The following SPATA18 variants were observed in gnomAD, a reference collection of about 807,000 sequenced individuals.
SPATA18 encodes the protein mitochondria-eating protein.
SPATA18 carries 54 observed loss-of-function variants against 68.1 expected under a neutral mutation model. The ratio of observed to expected loss-of-function variants is 0.79; its 90% confidence interval spans 0.64 to 0.99. SPATA18 has a LOEUF of 0.99. Ranked by LOEUF, SPATA18 falls within the 50% of genes least tolerant of loss-of-function variation. The pLI is 0.00. For missense variants in SPATA18, 724 were observed against 681.1 expected (o/e 1.06, Z -0.70); for synonymous variants, 242 against 244.8 (o/e 0.99, Z 0.11).
intron 5 of SPATA18, 80 bp from the exon 6 acceptor site, chr4:52,071,837 G>T: frequency 7.0e-7 from 1 of 1,431,156 alleles, no homozygotes; most frequent in Admixed American, 2.2e-5. Flanking sequence ...GCCAATTGCT[G>T]CTTATTACCT....
intron 6 of SPATA18, among the ~76,000 whole-genome samples, chr4:52,075,874 G>A (rs1057407073): frequency 6.6e-6 from 1 of 152,100 alleles, no homozygotes; most frequent in Non-Finnish European, 1.5e-5. Context: ...CTTTCTTCAT[G>A]GGAACAACAA....
chr4:52,087,415 C>A (rs1414621579), intron 11 of SPATA18, among the ~76,000 whole-genome samples: 1 of 152,116 alleles, frequency 6.6e-6, no homozygotes, highest in African/African-American at 2.4e-5. Context: ...ACATTTAAGT[C>A]TTTGGTCCAT....
At chr4:52,066,129 G>A (rs1037908500) in intron 4 of SPATA18, among the ~76,000 whole-genome samples, 6 of 151,976 alleles carry the variant, frequency 3.9e-5, no homozygotes, top group South Asian at 2.1e-4. Flanking sequence ...ATGTTTTATT[G>A]TATCAAGTCA....
At chr4:52,065,222 C>CTGTT (rs1250295223) in intron 4 of SPATA18, among the ~76,000 whole-genome samples, 1 of 151,994 alleles carries the variant, frequency 6.6e-6, no homozygotes, top group Non-Finnish European at 1.5e-5. Flanking sequence ...TGTGGGTTGT[C>CTGTT]TGTTTACTCC....
chr4:52,074,295 AGC>A (rs1353412843), intron 6 of SPATA18, among the ~76,000 whole-genome samples: 1 of 152,194 alleles, frequency 6.6e-6, no homozygotes, highest in African/African-American at 2.4e-5. Context: ...AGTGCCACAA[AGC>A]CATAAGAGCC....
intron 11 of SPATA18, among the ~76,000 whole-genome samples, chr4:52,091,794 G>A (rs913956030): frequency 4.6e-5 from 7 of 152,176 alleles, no homozygotes; most frequent in East Asian, 1.9e-4. Flanking sequence ...AGCAGAGCTC[G>A]AATGCTGGGC....
intron 6 of SPATA18, among the ~76,000 whole-genome samples, chr4:52,073,431 C>T (rs1240814807): frequency 6.6e-6 from 1 of 152,154 alleles, no homozygotes; most frequent in Non-Finnish European, 1.5e-5. Context: ...ATACCCAGTA[C>T]TTCCACATGT....
chr4:52,063,809 C>G (rs1252929550), intron 4 of SPATA18, among the ~76,000 whole-genome samples: 1 of 152,076 alleles, frequency 6.6e-6, no homozygotes, highest in Non-Finnish European at 1.5e-5. Flanking sequence ...ACTAGTGTCT[C>G]GTGCTGATGG....
At chr4:52,079,649 C>T in intron 8 of SPATA18, 95 bp from the exon 9 acceptor site, 1 of 1,415,340 alleles carries the variant, frequency 7.1e-7, no homozygotes, top group South Asian at 1.3e-5. Context: ...CTCACATTCT[C>T]TTTTCCCACC....
intron 4 of SPATA18, among the ~76,000 whole-genome samples, chr4:52,065,051 G>A (rs1160660865): frequency 6.6e-6 from 1 of 151,954 alleles, no homozygotes; most frequent in African/African-American, 2.4e-5. Flanking sequence ...TTTCATATGT[G>A]TATTGGCTGT....
intron 7 of SPATA18, among the ~76,000 whole-genome samples, chr4:52,077,503 A>G (rs1341765553): frequency 6.6e-6 from 1 of 151,510 alleles, no homozygotes; most frequent in Non-Finnish European, 1.5e-5. Flanking sequence ...TCATATATAT[A>G]TGAATAGTTA....
chr4:52,066,980 A>G (rs1383347900), intron 4 of SPATA18, among the ~76,000 whole-genome samples: 2 of 152,172 alleles, frequency 1.3e-5, no homozygotes, highest in African/African-American at 4.8e-5. Flanking sequence ...GCATGTATCA[A>G]TAATAGAATT....
chr4:52,062,122 T>C (rs763244426), intron 3 of SPATA18, 98 bp from the exon 4 acceptor site: 3 of 705,458 alleles, frequency 4.3e-6, no homozygotes, highest in Non-Finnish European at 7.3e-6. Flanking sequence ...CCGTGCATAA[T>C]TGTGCTCTTT....
intron 1 of SPATA18, among the ~76,000 whole-genome samples, chr4:52,058,633 T>C (rs1738558644): frequency 6.6e-6 from 1 of 152,172 alleles, no homozygotes; most frequent in African/African-American, 2.4e-5. Context: ...CTGAATCTTA[T>C]AACCCAGGAA....
In SPATA18 at chr4:52,060,911, AG is replaced by A. The variant is rs767024350; in HGVS notation, c.309+16del. 6 of 1,594,906 alleles carry A rather than the reference AG, an allele frequency of 3.8e-6. No individual in the cohort carries two copies. In the East Asian group the frequency reaches 1.3e-4, roughly 36 times the overall value. On this transcript the variant is annotated intron_variant, in intron 3 of 12. Transcript: ENST00000295213. Reference sequence around the variant, plus strand: ...CCCTCTCTGCAGGTAGGGATGCTGAAGGATAACCCTTGACTTTCTGAACAGT... The same window carrying A: ...CCCTCTCTGCAGGTAGGGATGCTGAAGATAACCCTTGACTTTCTGAACAGT...
At chr4:52,082,553 A>G in intron 10 of SPATA18, 43 bp downstream of exon 10, 1 of 1,613,716 alleles carries the variant, frequency 6.2e-7, no homozygotes, top group Non-Finnish European at 8.5e-7. Flanking sequence ...CAAGTGTTTG[A>G]TTCACAAGTT....
In SPATA18 at chr4:52,080,007, C is replaced by T. The variant is rs185962499; in HGVS notation, c.1355+88C>T. ...TGAAAACAATTTAAGGAAAAGAACT[C>T]TGGGTGGAGAAATTAACAGACACTA... On this transcript the variant is annotated intron_variant, in intron 9 of 12. Coordinates refer to ENST00000295213, the MANE Select transcript of SPATA18 (RefSeq NM_145263.4). The T allele has an allele frequency of 1.7e-3, 2,414 of 1,406,038 alleles. 37 individuals are homozygous for T. In the East Asian group the frequency reaches 0.036, roughly 21 times the overall value. The allele number at this position is 1,406,038 out of a possible 1,614,324, so 87.1% of individuals were successfully genotyped here.
chr4:52,082,866 C>T, intron 10 of SPATA18: 1 of 985,350 alleles, frequency 1.0e-6, no homozygotes, highest in Non-Finnish European at 1.2e-6. Context: ...AATTAACTCT[C>T]AGGAAACGAT....
chr4:52,051,699 T>C lies in SPATA18; in HGVS notation c.-6T>C. ...CGCAGCGTGGGGCCGAGAGGAATAG[T>C]GAGCGATGGCGGAAAACCTGAAAAG... On this transcript the variant is annotated 5_prime_UTR_variant, in exon 1 of 13. Coordinates refer to ENST00000295213, the MANE Select transcript of SPATA18 (RefSeq NM_145263.4). The C allele has an allele frequency of 6.2e-7, 1 of 1,614,150 alleles. No individual in the cohort carries two copies. The highest frequency in any genetic ancestry group is 8.5e-7 in the Non-Finnish European group (1 of 1,179,998).
Sources: gnomAD v4.1 joint callset for allele counts (sites outside exome capture counted in the v4.1 genomes callset) on GRCh38, gnomAD v4.1.1 for gene constraint, MANE v1.5 for transcripts, NCBI Gene and HGNC (gene_info 2026-07-23, HGNC 2026-07-21) for gene names.